SIL1: variants seen among roughly 807,000 people sequenced by gnomAD.
The protein encoded by SIL1 is nucleotide exchange factor SIL1.
A neutral mutation model predicts 49.1 loss-of-function variants in SIL1; 40 were observed. That is an observed-to-expected ratio of 0.81 (90% confidence interval 0.63 to 1.06). The LOEUF is 1.06. SIL1 is among the 50% of genes least tolerant of loss of function. SIL1 has a pLI of 0.00. For synonymous variants in SIL1, 253 were observed against 250.8 expected, an observed-to-expected ratio of 1.01 and a Z score of -0.08; for missense variants, 500 against 572.6, an observed-to-expected ratio of 0.87 and a Z score of 1.29.
intron 1 of SIL1, among the ~76,000 whole-genome samples, chr5:139,167,174 T>A (rs1176278893): frequency 6.6e-6 from 1 of 151,220 alleles, no homozygotes; most frequent in Non-Finnish European, 1.5e-5. Flanking sequence ...AGGCTGATCC[T>A]GAACTCCTGG....
At chr5:139,001,088 G>A (rs959094884) in intron 7 of SIL1, among the ~76,000 whole-genome samples, 2 of 151,820 alleles carry the variant, frequency 1.3e-5, no homozygotes, top group Admixed American at 6.6e-5. Flanking sequence ...GTGTGGGGGG[G>A]GAAACTACTC....
chr5:138,981,807 C>T (rs1018772772), intron 7 of SIL1, among the ~76,000 whole-genome samples: 1 of 152,130 alleles, frequency 6.6e-6, no homozygotes, highest in Non-Finnish European at 1.5e-5. Context: ...CACGCCTGCT[C>T]TCGCGTGCTC....
Position 138,951,152 on chromosome 5 carries a change from G to A in SIL1, c.1029+19C>T, listed in dbSNP as rs780688094. Reference sequence around the variant, plus strand: ...ACACAAAGCAAACAAGAGGAGACTGGGTGGGCCTGGGCACTCACCTTCTCC... The same window carrying A: ...ACACAAAGCAAACAAGAGGAGACTGAGTGGGCCTGGGCACTCACCTTCTCC... On this transcript the variant is annotated intron_variant, in intron 9 of 9. Coordinates refer to ENST00000394817, the MANE Select transcript of SIL1 (RefSeq NM_022464.5). The A allele has an allele frequency of 6.2e-7, 1 of 1,609,524 alleles. No individual in the cohort carries two copies. Among genetic ancestry groups the A allele is most frequent in the South Asian group, 1.1e-5 (1 of 89,916 alleles).
intron 5 of SIL1, among the ~76,000 whole-genome samples, chr5:139,028,423 A>G (rs1302948635): frequency 6.6e-6 from 1 of 152,136 alleles, no homozygotes; most frequent in Non-Finnish European, 1.5e-5. Flanking sequence ...GCTTGAACCC[A>G]GAAGGCAGAG....
intron 7 of SIL1, among the ~76,000 whole-genome samples, chr5:138,973,042 C>T (rs1389164622): frequency 7.9e-5 from 12 of 152,032 alleles, no homozygotes. Flanking sequence ...ACAGCAGGAG[C>T]GACACCTGCC....
chr5:139,032,848 T>A (rs1768821633), intron 5 of SIL1: 1 of 152,116 alleles, frequency 6.6e-6, no homozygotes, highest in Non-Finnish European at 1.5e-5. Flanking sequence ...ATGCATAGAG[T>A]TGTTCATAGT....
intron 3 of SIL1, among the ~76,000 whole-genome samples, chr5:139,083,942 T>C (rs1770150881): frequency 1.0e-5 from 1 of 96,766 alleles, no homozygotes; most frequent in African/African-American, 4.2e-5. Context: ...TAGGGAATCC[T>C]TTCCCCATTG....
intron 2 of SIL1, among the ~76,000 whole-genome samples, chr5:139,126,496 C>G (rs1186933264): frequency 1.3e-5 from 2 of 152,174 alleles, no homozygotes; most frequent in Non-Finnish European, 2.9e-5. Context: ...GCCCTGGGCC[C>G]TGAAGGTTCT....
At chr5:139,159,276 A>C (rs995966119) in intron 1 of SIL1, among the ~76,000 whole-genome samples, 1 of 152,188 alleles carries the variant, frequency 6.6e-6, no homozygotes, top group African/African-American at 2.4e-5. Flanking sequence ...TGAGGAGGTA[A>C]AGAACTGGGG....
intron 7 of SIL1, among the ~76,000 whole-genome samples, chr5:138,954,243 C>A (rs911039168): frequency 7.9e-5 from 12 of 152,350 alleles, no homozygotes; most frequent in African/African-American, 2.9e-4. Context: ...GAAAGTCTGA[C>A]CTTTTGTAAA....
chr5:138,968,190 T>TGGGG (rs1397160562), intron 7 of SIL1, among the ~76,000 whole-genome samples: 1 of 151,908 alleles, frequency 6.6e-6, no homozygotes, highest in Non-Finnish European at 1.5e-5. Context: ...GCAGGTACCT[T>TGGGG]GGGGGGATGA....
chr5:139,093,784 C>T (rs930557650), intron 3 of SIL1: 9 of 152,210 alleles, frequency 5.9e-5, no homozygotes, highest in African/African-American at 2.2e-4. Flanking sequence ...ATTTTCAGTG[C>T]ATGGCAAAGA....
At chr5:138,999,296 T>C (rs1767938385) in intron 7 of SIL1, among the ~76,000 whole-genome samples, 1 of 152,214 alleles carries the variant, frequency 6.6e-6, no homozygotes, top group African/African-American at 2.4e-5. Context: ...TTCCTAGGTA[T>C]TCTTCATAGC....
chr5:139,146,754 T>C (rs1209123701), intron 1 of SIL1, among the ~76,000 whole-genome samples: 1 of 152,180 alleles, frequency 6.6e-6, no homozygotes, highest in Non-Finnish European at 1.5e-5. Context: ...GATCATATAG[T>C]TTTACCTTTA....
intron 3 of SIL1, among the ~76,000 whole-genome samples, chr5:139,055,086 A>T (rs1314654451): frequency 6.6e-6 from 1 of 152,198 alleles, no homozygotes; most frequent in African/African-American, 2.4e-5. Flanking sequence ...GCAAGGGTAC[A>T]GGCAGAAAAT....
intron 7 of SIL1, among the ~76,000 whole-genome samples, chr5:138,990,818 C>T (rs1008915131): frequency 2.0e-5 from 3 of 152,196 alleles, no homozygotes; most frequent in African/African-American, 7.2e-5. Context: ...TGGGTTCAAG[C>T]GATTCTCCTG....
At chr5:139,029,026 A>G (rs1768726621) in intron 5 of SIL1, among the ~76,000 whole-genome samples, 1 of 152,226 alleles carries the variant, frequency 6.6e-6, no homozygotes, top group South Asian at 2.1e-4. Context: ...CTGTAATCCT[A>G]GAAGTTTGGG....
At chr5:139,038,139 A>G (rs936228236) in intron 5 of SIL1, among the ~76,000 whole-genome samples, 2 of 152,186 alleles carry the variant, frequency 1.3e-5, no homozygotes, top group Non-Finnish European at 2.9e-5. Flanking sequence ...ACCTCCAAAC[A>G]TCACATTGCA....
chr5:139,110,327 A>G (rs1770814945), intron 3 of SIL1, among the ~76,000 whole-genome samples: 1 of 152,112 alleles, frequency 6.6e-6, no homozygotes, highest in Non-Finnish European at 1.5e-5. Context: ...CTTTACAAAT[A>G]TACCATATTA....
Sources: gnomAD v4.1 joint callset for allele counts (sites outside exome capture counted in the v4.1 genomes callset) on GRCh38, gnomAD v4.1.1 for gene constraint, MANE v1.5 for transcripts, NCBI Gene and HGNC (gene_info 2026-07-23, HGNC 2026-07-21) for gene names.